The following SLC12A2 variants were observed in gnomAD, a reference collection of about 807,000 sequenced individuals.
The protein encoded by SLC12A2 is solute carrier family 12 member 2.
Under a neutral mutation model 136.3 loss-of-function variants are expected in SLC12A2, and 67 were observed. The observed-to-expected ratio is 0.49, with a 90% CI of 0.40 to 0.60. SLC12A2 has a LOEUF of 0.60. Among genes scored for constraint, SLC12A2 ranks in the 20% least tolerant of loss-of-function variants. The pLI, the probability that SLC12A2 is intolerant of heterozygous loss-of-function variation, is 0.00. For synonymous variants in SLC12A2, 619 were observed against 562.9 expected, an observed-to-expected ratio of 1.10 and a Z score of -1.41; for missense variants, 1,322 against 1,534.7, an observed-to-expected ratio of 0.86 and a Z score of 2.32.
At chr5:128,185,895 T>A (rs535700283) in intron 26 of SLC12A2, among the ~76,000 whole-genome samples, 41 of 152,218 alleles carry the variant, frequency 2.7e-4, no homozygotes, top group African/African-American at 9.6e-4. Flanking sequence ...GCATATATGA[T>A]GGTGGTACCA....
At chr5:128,168,693 A>C (rs961865835) in intron 18 of SLC12A2, 15 of 152,340 alleles carry the variant, frequency 9.8e-5, no homozygotes, top group African/African-American at 3.6e-4. Context: ...TTAAATTCTC[A>C]TAAGGAGCGC....
chr5:128,102,759 C>T (rs1013380188), intron 1 of SLC12A2, among the ~76,000 whole-genome samples: 39 of 151,154 alleles, frequency 2.6e-4, no homozygotes, highest in African/African-American at 8.5e-4. Context: ...ACTACAGGCA[C>T]GTGCCACCAT....
intron 17 of SLC12A2, among the ~76,000 whole-genome samples, chr5:128,166,274 C>T (rs1231413339): frequency 3.3e-5 from 5 of 151,848 alleles, no homozygotes; most frequent in East Asian, 1.9e-4. Context: ...GAGCAAAACC[C>T]GTAAAACTCT....
chr5:128,126,899 CTGTA>C (rs1269898387), intron 4 of SLC12A2, among the ~76,000 whole-genome samples: 1 of 128,010 alleles, frequency 7.8e-6, no homozygotes, highest in Non-Finnish European at 1.6e-5. Flanking sequence ...ATCTGTTGAA[CTGTA>C]TGTTTTTTTT....
intron 17 of SLC12A2, among the ~76,000 whole-genome samples, chr5:128,166,460 A>ATG (rs147416302): frequency 0.11 from 15,813 of 150,040 alleles, 1,095 homozygotes; most frequent in East Asian, 0.23. Context: ...GGATAAACAA[A>ATG]TGTGTGTGTG....
At chr5:128,157,764 T>TA in intron 15 of SLC12A2, among the ~76,000 whole-genome samples, 1 of 152,288 alleles carries the variant, frequency 6.6e-6, no homozygotes, top group East Asian at 1.9e-4. Context: ...TTGTTATATA[T>TA]TTTTTTAACT....
rs113986289 is a variant in SLC12A2, at chr5:128,101,024, A to G, written c.757-11790A>G. Reference sequence around the variant, plus strand: ...GTAAAGTCACATGGTCACACCATCCACTTTTATCTGTGGCACTTGAGTTTT... The same window carrying G: ...GTAAAGTCACATGGTCACACCATCCGCTTTTATCTGTGGCACTTGAGTTTT... On this transcript the variant is annotated intron_variant, in intron 1 of 26. Transcript: ENST00000262461. Among the ~76,000 whole-genome samples, 291 of 152,256 alleles carry G rather than the reference A, an allele frequency of 1.9e-3. 2 individuals are homozygous for G. Among genetic ancestry groups the G allele is most frequent in the African/African-American group, 6.5e-3 (270 of 41,558 alleles).
At position 128,084,218 on chromosome 5, in the gene SLC12A2, G is replaced by C; in HGVS notation, c.264G>C (p.Glu88Asp). 2.3e-6 allele frequency: 3 copies of C among 1,282,096 alleles called. No homozygotes were observed. The highest frequency in any genetic ancestry group is 2.0e-6 in the Non-Finnish European group (2 of 1,023,700). 79.4% of individuals were successfully genotyped at this position (1,282,096 alleles called of 1,614,324 possible). The part of the protein sequence containing the change: ...QSRFQVDLVS[E>D]NAGRAAAAAA... ...GTTTCCAGGTGGACCTGGTTTCCGA[G>C]AACGCCGGGCGGGCCGCTGCTGCGG... The change falls in exon 1 of 27, where the codon GAG (glutamate) becomes GAC (aspartate). Residue 88 changes from glutamate (E) to aspartate (D), a missense_variant. Glu to Asp is a conservative substitution (Grantham distance 45, BLOSUM62 2). Transcript: ENST00000262461. This position sits in a 1 kb window ranked among gnomAD's most constrained non-coding sequence, Gnocchi z 5.6.
intron 4 of SLC12A2, among the ~76,000 whole-genome samples, chr5:128,130,286 G>A (rs1183457292): frequency 1.3e-5 from 2 of 151,840 alleles, no homozygotes; most frequent in African/African-American, 2.4e-5. Flanking sequence ...TAATCCTAGC[G>A]CTTTGGGAAG....
At chr5:128,180,571 T>C (rs545991301) in intron 22 of SLC12A2, among the ~76,000 whole-genome samples, 1 of 152,258 alleles carries the variant, frequency 6.6e-6, no homozygotes, top group East Asian at 1.9e-4. Flanking sequence ...TATTTCTAAT[T>C]TCAGTGTTAA....
At chr5:128,173,231 A>G (rs1251690351) in intron 19 of SLC12A2, among the ~76,000 whole-genome samples, 1 of 152,166 alleles carries the variant, frequency 6.6e-6, no homozygotes, top group African/African-American at 2.4e-5. Context: ...GTCTTTATCC[A>G]TGTAACCAAA....
At chr5:128,180,139 T>A (rs1301752438) in intron 22 of SLC12A2, among the ~76,000 whole-genome samples, 3 of 151,240 alleles carry the variant, frequency 2.0e-5, no homozygotes, top group East Asian at 3.9e-4. Flanking sequence ...CCAGCTAATT[T>A]TTTAGTATTT....
At chr5:128,169,985 A>T (rs575897592) in intron 18 of SLC12A2, 35 of 152,300 alleles carry the variant, frequency 2.3e-4, no homozygotes, top group African/African-American at 8.4e-4. Context: ...AACCATGTAA[A>T]TTAATAGCAG....
chr5:128,145,561 G>A (rs1483078909), intron 10 of SLC12A2, among the ~76,000 whole-genome samples: 1 of 152,028 alleles, frequency 6.6e-6, no homozygotes, highest in African/African-American at 2.4e-5. Context: ...TTATTAAAGG[G>A]CTGAGTAGAA....
Position 128,163,545 on chromosome 5 carries a change from T to A in SLC12A2, c.2616+1745T>A, listed in dbSNP as rs563458537. 2.0e-5 allele frequency among the ~76,000 whole-genome samples: 3 copies of A among 151,778 alleles called. No individual in the cohort carries two copies. The South Asian group carries it at 6.3e-4, about 32-fold the overall frequency. On this transcript the variant is annotated intron_variant, in intron 17 of 26. Transcript: ENST00000262461. ...CCCCATCTCAAAAAAAAAAAGAAAC[T>A]TCATGGCAACGTCATTTGTAATAGT...
intron 1 of SLC12A2, among the ~76,000 whole-genome samples, chr5:128,097,365 A>G (rs1293658331): frequency 1.3e-5 from 2 of 152,040 alleles, no homozygotes; most frequent in South Asian, 4.1e-4. Context: ...AATGCTGCCT[A>G]TAGAATATTC....
intron 4 of SLC12A2, among the ~76,000 whole-genome samples, chr5:128,116,385 G>A (rs1348584582): frequency 3.8e-5 from 3 of 78,136 alleles, no homozygotes; most frequent in Admixed American, 1.8e-4. Flanking sequence ...TTGGTAGTGT[G>A]TATATATAAA....
chr5:128,158,185 C>G, intron 16 of SLC12A2, 21 bp downstream of exon 16: 2 of 1,561,540 alleles, frequency 1.3e-6, no homozygotes, highest in Non-Finnish European at 8.7e-7. Flanking sequence ...ATTTTGTTTT[C>G]TTTTTCAAGT....
chr5:128,110,934 A>G lies in SLC12A2; in HGVS notation c.757-1880A>G, dbSNP rs1259040237. ...GAGAGGGCATGAAAAGGGTAGAACC[A>G]CAGACTGAGAATGACCTCTTCCCTT... On this transcript the variant is annotated intron_variant, in intron 1 of 26. Coordinates refer to ENST00000262461, the MANE Select transcript of SLC12A2 (RefSeq NM_001046.3). 4 of 875,072 alleles carry G rather than the reference A, an allele frequency of 4.6e-6. No individual in the cohort carries two copies. In the African/African-American group the frequency reaches 4.9e-5, roughly 11 times the overall value. The allele number at this position is 875,072 out of a possible 1,614,324, so 54.2% of individuals were successfully genotyped here. A position where few individuals can be genotyped will look rare whatever the true frequency, so the allele number is the denominator to read the frequency against.
Sources: allele counts gnomAD v4.1 joint callset (sites outside exome capture counted in the v4.1 genomes callset), GRCh38; gene constraint gnomAD v4.1.1; non-coding constraint Gnocchi (gnomAD v3.1); transcripts MANE v1.5; gene names NCBI Gene and HGNC (gene_info 2026-07-23, HGNC 2026-07-21).